The following HACE1 variants were observed in gnomAD, a reference collection of about 807,000 sequenced individuals.
HACE1 encodes the protein E3 ubiquitin-protein ligase HACE1.
Under a neutral mutation model 118.4 loss-of-function variants are expected in HACE1, and 73 were observed. The observed-to-expected ratio is 0.62, with a 90% CI of 0.51 to 0.75. The LOEUF (loss-of-function observed/expected upper bound fraction) is 0.75, where lower values mean the gene tolerates loss of function less well. Among genes scored for constraint, HACE1 ranks in the 30% least tolerant of loss-of-function variants. The pLI is 0.00. For synonymous variants in HACE1, 368 were observed against 374.8 expected (o/e 0.98, Z 0.21); for missense variants, 749 against 1,102.2 (o/e 0.68, Z 4.54).
At chr6:104,830,963 C>T (rs1773804684) in intron 6 of HACE1, among the ~76,000 whole-genome samples, 1 of 151,978 alleles carries the variant, frequency 6.6e-6, no homozygotes, top group African/African-American at 2.4e-5. Context: ...CTACAACCCA[C>T]AACTCCTGGG....
chr6:104,825,315 A>G (rs1562456778), intron 6 of HACE1, among the ~76,000 whole-genome samples: 2 of 152,162 alleles, frequency 1.3e-5, no homozygotes. Context: ...TTTGCGAGGC[A>G]GATGGGAAAT....
intron 6 of HACE1, among the ~76,000 whole-genome samples, chr6:104,832,635 C>T (rs117288462): frequency 0.011 from 1,654 of 152,196 alleles, 19 homozygotes; most frequent in Non-Finnish European, 0.017. Flanking sequence ...AAGAGATCCA[C>T]CCATCTCAGC....
chr6:104,845,156 G>A (rs1207525538), intron 4 of HACE1, among the ~76,000 whole-genome samples: 3 of 151,882 alleles, frequency 2.0e-5, no homozygotes, highest in Non-Finnish European at 4.4e-5. Context: ...TTGAATGGCA[G>A]AGTATATACT....
intron 3 of HACE1, among the ~76,000 whole-genome samples, chr6:104,849,527 G>A (rs981231800): frequency 7.2e-6 from 1 of 139,342 alleles, no homozygotes; most frequent in African/African-American, 2.7e-5. Flanking sequence ...TTTTTCTGTA[G>A]AGAAGAGACC....
chr6:104,837,471 A>G (rs1774659217), intron 5 of HACE1, among the ~76,000 whole-genome samples: 1 of 152,240 alleles, frequency 6.6e-6, no homozygotes, highest in Non-Finnish European at 1.5e-5. Flanking sequence ...CCTAAGCCTC[A>G]TAACTTATGC....
intron 6 of HACE1, among the ~76,000 whole-genome samples, chr6:104,826,141 A>G (rs1233379429): frequency 6.6e-6 from 1 of 152,220 alleles, no homozygotes. Context: ...GATGATCTGA[A>G]GTGGAACAGT....
intron 6 of HACE1, among the ~76,000 whole-genome samples, chr6:104,822,666 G>A (rs1484678122): frequency 6.6e-6 from 1 of 151,956 alleles, no homozygotes. Context: ...AGACCAGCCT[G>A]GCCAACATAA....
At chr6:104,757,083 A>G (rs1038045810) in intron 19 of HACE1, among the ~76,000 whole-genome samples, 2 of 152,178 alleles carry the variant, frequency 1.3e-5, no homozygotes, top group Non-Finnish European at 2.9e-5. Flanking sequence ...GGCGGTGGCC[A>G]CTGGAGCTCA....
chr6:104,857,607 C>T (rs1776852838), intron 1 of HACE1, among the ~76,000 whole-genome samples: 1 of 150,996 alleles, frequency 6.6e-6, no homozygotes. Context: ...ACATTTGTTA[C>T]ATGCATCCTA....
chr6:104,825,365 G>C (rs938381261), intron 6 of HACE1, among the ~76,000 whole-genome samples: 1 of 152,116 alleles, frequency 6.6e-6, no homozygotes, highest in Non-Finnish European at 1.5e-5. Flanking sequence ...CAACCAATCA[G>C]ACGTTTGCAT....
rs996585073 is a variant in HACE1 at position 104,769,844 on chromosome 6, C to CT, written c.2211+1348dup. Among the ~76,000 whole-genome samples the CT allele has an allele frequency of 1.1e-4, 17 of 151,942 alleles. No homozygotes were observed. The South Asian group carries it at 2.9e-3, about 26-fold the overall frequency. ...GACTTTATTTCCAAGAATTCAATCT[C>CT]TTTTTTTTGTACACTATAGTATCTT... On this transcript the variant is annotated intron_variant, in intron 19 of 23. Transcript: ENST00000262903.
intron 6 of HACE1, among the ~76,000 whole-genome samples, chr6:104,819,569 C>G (rs1224118429): frequency 6.6e-6 from 1 of 152,008 alleles, no homozygotes; most frequent in Non-Finnish European, 1.5e-5. Flanking sequence ...CAAAAAAGAG[C>G]CCAAACAGAC....
At chr6:104,791,855 T>C (rs1335214999) in intron 10 of HACE1, among the ~76,000 whole-genome samples, 3 of 152,174 alleles carry the variant, frequency 2.0e-5, no homozygotes, top group Non-Finnish European at 4.4e-5. Flanking sequence ...TAAATTACTA[T>C]TTCTTAAGCA....
At chr6:104,800,675 A>C (rs1394037658) in intron 7 of HACE1, among the ~76,000 whole-genome samples, 1 of 152,228 alleles carries the variant, frequency 6.6e-6, no homozygotes, top group Non-Finnish European at 1.5e-5. Context: ...ATCAACATCA[A>C]CAAAAAGGAC....
chr6:104,784,312 G>T (rs1220304661), intron 13 of HACE1, 105 bp downstream of exon 13: 8 of 904,772 alleles, frequency 8.8e-6, no homozygotes, highest in Non-Finnish European at 1.5e-5. Context: ...TTGTTATTGA[G>T]CATATTTTGA....
chr6:104,816,261 C>CT (rs1772103715), intron 6 of HACE1, among the ~76,000 whole-genome samples: 1 of 152,238 alleles, frequency 6.6e-6, no homozygotes, highest in African/African-American at 2.4e-5. Flanking sequence ...TGTCAGAGAC[C>CT]TTCACTGCAG....
In HACE1 at chr6:104,729,196, A is replaced by C. The variant is rs1168745574; in HGVS notation, c.*466T>G. 1 of 158,008 alleles carries C rather than the reference A, an allele frequency of 6.3e-6. No homozygotes were observed. The allele number at this position is 158,008 out of a possible 1,614,324, so 9.8% of individuals were successfully genotyped here. ...TGGCAAAATACGTATTTGTGGCTTT[A>C]TAGACAATCTAAATCCATTCTATAC... is the stretch of plus-strand genomic sequence containing the variant. On this transcript the variant is annotated 3_prime_UTR_variant, in exon 24 of 24. Coordinates refer to ENST00000262903, the MANE Select transcript of HACE1 (RefSeq NM_020771.4).
intron 22 of HACE1, among the ~76,000 whole-genome samples, chr6:104,739,053 A>G (rs1358420155): frequency 6.6e-6 from 1 of 150,946 alleles, no homozygotes; most frequent in African/African-American, 2.5e-5. Flanking sequence ...CCAGAATTTC[A>G]TATCCAGCCA....
At chr6:104,830,630 CAA>C (rs1240143284) in intron 6 of HACE1, among the ~76,000 whole-genome samples, 2 of 152,048 alleles carry the variant, frequency 1.3e-5, no homozygotes, top group Non-Finnish European at 2.9e-5. Flanking sequence ...CTTCTCCCAA[CAA>C]GAGATAAGAC....
Sources: allele counts gnomAD v4.1 joint callset (sites outside exome capture counted in the v4.1 genomes callset), GRCh38; gene constraint gnomAD v4.1.1; transcripts MANE v1.5; gene names NCBI Gene and HGNC (gene_info 2026-07-23, HGNC 2026-07-21).